KCNQ5: variants seen among roughly 807,000 people sequenced by gnomAD.
KCNQ5 encodes potassium voltage-gated channel subfamily KQT member 5.
KCNQ5 carries 30 observed loss-of-function variants against 98.2 expected under a neutral mutation model. The ratio of observed to expected loss-of-function variants is 0.31; its 90% CI spans 0.23 to 0.41. The LOEUF (loss-of-function observed/expected upper bound fraction) is 0.41, where lower values mean the gene tolerates loss of function less well. KCNQ5 is among the 10% of genes least tolerant of loss of function. KCNQ5 has a pLI of 1.00. For synonymous variants in KCNQ5, 458 were observed against 449.4 expected (o/e 1.02, Z -0.24); for missense variants, 835 against 1,182.5 (o/e 0.71, Z 4.31).
Position 73,057,691 on chromosome 6 carries a change from A to G in KCNQ5, c.616+15629A>G, listed in dbSNP as rs562564347. ...GGCCATATTGCCCAAAGCAATTTAC[A>G]GATTCAGTGCTATTCCTATCAAACT... On this transcript the variant is annotated intron_variant, in intron 3 of 13. Coordinates refer to ENST00000370398, the MANE Select transcript of KCNQ5 (RefSeq NM_019842.4). Among the ~76,000 whole-genome samples the G allele has an allele frequency of 2.0e-5, 3 of 152,310 alleles. No homozygotes were observed. In the South Asian group the frequency reaches 6.2e-4, roughly 32 times the overall value.
chr6:72,654,603 A>G (rs1167380137), intron 1 of KCNQ5, among the ~76,000 whole-genome samples: 2 of 152,092 alleles, frequency 1.3e-5, no homozygotes, highest in Non-Finnish European at 2.9e-5. Context: ...GGCTGAAGAC[A>G]TATCAAGAGA....
intron 1 of KCNQ5, among the ~76,000 whole-genome samples, chr6:72,631,464 C>T (rs753193132): frequency 2.2e-4 from 33 of 151,836 alleles, no homozygotes; most frequent in African/African-American, 3.6e-4. Context: ...AAAAGATGGT[C>T]AGGGTTGTGG....
intron 1 of KCNQ5, among the ~76,000 whole-genome samples, chr6:72,874,440 A>G (rs1228128165): frequency 6.6e-6 from 1 of 152,164 alleles, no homozygotes; most frequent in Non-Finnish European, 1.5e-5. Flanking sequence ...ATAAATATTT[A>G]TTGCAAATGG....
chr6:72,807,411 G>A (rs1775011355), intron 1 of KCNQ5, among the ~76,000 whole-genome samples: 1 of 152,022 alleles, frequency 6.6e-6, no homozygotes, highest in Admixed American at 6.6e-5. Context: ...AATTATAAAT[G>A]ATACATTTAA....
chr6:73,192,774 T>C, intron 13 of KCNQ5, 83 bp downstream of exon 13: 1 of 1,155,760 alleles, frequency 8.7e-7, no homozygotes, highest in Non-Finnish European at 1.2e-6. Context: ...TGTATTCCAG[T>C]GATTATTTTA....
At chr6:73,121,366 G>A (rs917531533) in intron 8 of KCNQ5, among the ~76,000 whole-genome samples, 5 of 150,980 alleles carry the variant, frequency 3.3e-5, no homozygotes, top group Non-Finnish European at 7.4e-5. Context: ...TAGTCTTGGA[G>A]TCTTGGAAAC....
At position 72,736,502 on chromosome 6, in the gene KCNQ5, C is replaced by CTTT. The variant is rs752921476; in HGVS notation, c.398+113928_398+113930dup. On this transcript the variant is annotated intron_variant, in intron 1 of 13. Coordinates refer to ENST00000370398, the MANE Select transcript of KCNQ5 (RefSeq NM_019842.4). The stretch of plus-strand genomic sequence containing the variant: ...TATGCTTACATGTAAAAAAAGATTT[C>CTTT]TTTTTTTTTTTTTTTGAGACGGAGT... Among the ~76,000 whole-genome samples, 7 of 121,060 alleles carry CTTT rather than the reference C, an allele frequency of 5.8e-5. 1 individual carries two copies. Among genetic ancestry groups the CTTT allele is most frequent in the African/African-American group, 1.8e-4 (5 of 27,146 alleles). 79.4% of individuals were successfully genotyped at this position (121,060 alleles called of 152,430 possible). A position where few individuals can be genotyped will look rare whatever the true frequency, so the allele number is the denominator to read the frequency against.
intron 1 of KCNQ5, among the ~76,000 whole-genome samples, chr6:72,982,469 C>T (rs1165342673): frequency 7.2e-5 from 10 of 138,020 alleles, no homozygotes; most frequent in Non-Finnish European, 1.4e-4. Flanking sequence ...TTATCAGAGA[C>T]TAGGATTGCA....
intron 6 of KCNQ5, among the ~76,000 whole-genome samples, chr6:73,108,842 T>TA (rs1233252481): frequency 2.6e-5 from 4 of 151,674 alleles, no homozygotes; most frequent in Admixed American, 6.6e-5. Context: ...AAATAAAAAA[T>TA]AAAAAAAATA....
intron 1 of KCNQ5, among the ~76,000 whole-genome samples, chr6:72,749,883 T>A (rs1771590588): frequency 1.3e-5 from 2 of 152,058 alleles, no homozygotes; most frequent in African/African-American, 4.8e-5. Flanking sequence ...ACATGGCCTG[T>A]CAAGGAAGTA....
At chr6:72,712,791 A>G (rs1769434321) in intron 1 of KCNQ5, among the ~76,000 whole-genome samples, 1 of 152,192 alleles carries the variant, frequency 6.6e-6, no homozygotes, top group African/African-American at 2.4e-5. Context: ...TCTGCATAAG[A>G]AAAACTTTAT....
At chr6:72,898,885 G>T (rs1385806688) in intron 1 of KCNQ5, among the ~76,000 whole-genome samples, 1 of 152,048 alleles carries the variant, frequency 6.6e-6, no homozygotes, top group Admixed American at 6.5e-5. Context: ...GGTATGAGAT[G>T]GTATCTCATG....
At chr6:73,181,066 C>T (rs1400953496) in intron 11 of KCNQ5, among the ~76,000 whole-genome samples, 3 of 152,180 alleles carry the variant, frequency 2.0e-5, no homozygotes. Context: ...CTTATAAGTG[C>T]ACATGTGTTC....
chr6:73,023,797 T>C (rs912606307), intron 2 of KCNQ5, among the ~76,000 whole-genome samples: 1 of 152,214 alleles, frequency 6.6e-6, no homozygotes, highest in Non-Finnish European at 1.5e-5. Context: ...GAAAGAGCTA[T>C]GGATTAACAT....
At chr6:72,769,536 T>A (rs959869924) in intron 1 of KCNQ5, among the ~76,000 whole-genome samples, 3 of 152,034 alleles carry the variant, frequency 2.0e-5, no homozygotes, top group African/African-American at 2.4e-5. Context: ...AGAGATTTTT[T>A]TTTTTTAAAG....
intron 1 of KCNQ5, among the ~76,000 whole-genome samples, chr6:72,671,382 G>A (rs1482483896): frequency 1.3e-5 from 2 of 152,120 alleles, no homozygotes; most frequent in Admixed American, 6.5e-5. Context: ...TAGCCAGAAG[G>A]ATTTCTCATA....
intron 1 of KCNQ5, among the ~76,000 whole-genome samples, chr6:72,709,698 A>T (rs1769263223): frequency 6.6e-6 from 1 of 152,240 alleles, no homozygotes; most frequent in Non-Finnish European, 1.5e-5. Flanking sequence ...CTAGATCTTA[A>T]GTGCCAAGTC....
intron 1 of KCNQ5, among the ~76,000 whole-genome samples, chr6:72,710,141 A>C (rs937662633): frequency 3.6e-4 from 55 of 152,124 alleles, no homozygotes; most frequent in Admixed American, 6.5e-5. Context: ...AAATGGTGAA[A>C]GTGCACTGTA....
In KCNQ5 at chr6:72,886,708, A is replaced by G. The variant is rs6911093; in HGVS notation, c.399-117200A>G. 5.2e-3 allele frequency among the ~76,000 whole-genome samples: 799 copies of G among 152,316 alleles called. 8 individuals are homozygous for G. Among genetic ancestry groups the G allele is most frequent in the African/African-American group, 0.018 (766 of 41,584 alleles). On this transcript the variant is annotated intron_variant, in intron 1 of 13. Coordinates refer to ENST00000370398, the MANE Select transcript of KCNQ5 (RefSeq NM_019842.4). ...GCAGACAACATAAGAAAGAATGACA[A>G]TTAGACTGACAATTCTTAGCAATAA...
Sources: allele counts gnomAD v4.1 joint callset (sites outside exome capture counted in the v4.1 genomes callset), GRCh38; gene constraint gnomAD v4.1.1; transcripts MANE v1.5; gene names NCBI Gene and HGNC (gene_info 2026-07-23, HGNC 2026-07-21).